The following COL4A1 variants were observed in gnomAD, a reference collection of about 807,000 sequenced individuals.
COL4A1 encodes the protein collagen type IV alpha 1 chain, also known as collagen alpha-1(IV) chain.
Under a neutral mutation model 216.6 loss-of-function variants are expected in COL4A1, and 40 were observed. That is an observed-to-expected ratio of 0.18 (90% CI 0.14 to 0.24). COL4A1 has a LOEUF of 0.24. Among genes scored for constraint, COL4A1 ranks in the 10% least tolerant of loss-of-function variants. The pLI is 1.00. For synonymous variants in COL4A1, 839 were observed against 810.7 expected, an observed-to-expected ratio of 1.03 and a Z score of -0.59; for missense variants, 1,628 against 2,196.8, an observed-to-expected ratio of 0.74 and a Z score of 5.18.
chr13:110,219,688 A>ATGTATATATATGTATATATACG, intron 2 of COL4A1, among the ~76,000 whole-genome samples: 1 of 114,050 alleles, frequency 8.8e-6, no homozygotes, highest in South Asian at 2.7e-4. Flanking sequence ...GTGTATATAT[A>ATGTATATATATGTATATATACG]TGTATATATA....
At position 110,162,350 on chromosome 13, in the gene COL4A1, C is replaced by G. The variant is rs1360467450; in HGVS notation, c.4342G>C (p.Val1448Leu). 1 of 1,614,100 alleles carries G rather than the reference C, an allele frequency of 6.2e-7. No individual in the cohort carries two copies. The highest frequency in any genetic ancestry group is 8.5e-7 in the Non-Finnish European group (1 of 1,180,048). Reference sequence around the variant, plus strand: ...TCTATTGTTTGACTATGCCTGGTCACAAGGAAGCCGTGATCAACAGATGGG... The same window carrying G: ...TCTATTGTTTGACTATGCCTGGTCAGAAGGAAGCCGTGATCAACAGATGGG... ...GTPSVDHGFL[V>L]TRHSQTIDDP... The change falls in exon 48 of 52, where the codon GTG (valine) becomes CTG (leucine). Residue 1448 changes from valine to leucine, a missense_variant. Coordinates refer to ENST00000375820, the MANE Select transcript of COL4A1 (RefSeq NM_001845.6).
intron 2 of COL4A1, among the ~76,000 whole-genome samples, chr13:110,217,586 G>A (rs151248477): frequency 3.3e-5 from 5 of 152,308 alleles, no homozygotes; most frequent in East Asian, 3.9e-4. Flanking sequence ...AGAAAGAAAC[G>A]AGAAACTTGA....
chr13:110,294,139 G>C (rs1208818276), intron 1 of COL4A1, among the ~76,000 whole-genome samples: 2 of 152,154 alleles, frequency 1.3e-5, no homozygotes, highest in Non-Finnish European at 2.9e-5. Flanking sequence ...CATTGTGACA[G>C]TCTGTCCCTG....
At chr13:110,300,359 G>A (rs1566455455) in intron 1 of COL4A1, among the ~76,000 whole-genome samples, 1 of 152,238 alleles carries the variant, frequency 6.6e-6, no homozygotes, top group South Asian at 2.1e-4. Context: ...CTCTAGGGAT[G>A]AGTGTGGCTG....
intron 1 of COL4A1, chr13:110,299,000 C>T (rs1884388396): frequency 6.5e-6 from 1 of 152,676 alleles, no homozygotes; most frequent in South Asian, 2.1e-4. Context: ...TCCTGACACG[C>T]CACATGCATG....
At chr13:110,206,968 A>AC in intron 13 of COL4A1, 77 bp from the exon 14 acceptor site, 3 of 1,419,186 alleles carry the variant, frequency 2.1e-6, no homozygotes, top group Non-Finnish European at 1.9e-6. Flanking sequence ...AACACACAGC[A>AC]GAAAAAAAAA....
intron 2 of COL4A1, among the ~76,000 whole-genome samples, chr13:110,236,890 C>G (rs148329338): frequency 2.1e-3 from 320 of 152,300 alleles, no homozygotes; most frequent in African/African-American, 7.4e-3. Flanking sequence ...GCACCCCTAA[C>G]CTGTCTCAGG....
At chr13:110,299,705 C>T (rs879490834) in intron 1 of COL4A1, among the ~76,000 whole-genome samples, 2 of 152,308 alleles carry the variant, frequency 1.3e-5, no homozygotes, top group South Asian at 2.1e-4. Flanking sequence ...TCCAAAAAGT[C>T]GTGTGCACGT....
chr13:110,239,646 C>G lies in COL4A1; in HGVS notation c.144+3029G>C, dbSNP rs151228033. On this transcript the variant is annotated intron_variant, in intron 2 of 51. Transcript: ENST00000375820. The stretch of plus-strand genomic sequence containing the variant: ...GATTTGTATTCCATTATTCCAACCC[C>G]TTTAGTCATTTTGTTTTTACACTAG... 3.1e-3 allele frequency among the ~76,000 whole-genome samples: 465 copies of G among 152,284 alleles called. 5 individuals carry two copies. Among genetic ancestry groups the G allele is most frequent in the East Asian group, 0.025 (127 of 5,182 alleles).
intron 49 of COL4A1, among the ~76,000 whole-genome samples, chr13:110,157,857 G>C (rs1426555709): frequency 1.3e-5 from 2 of 152,174 alleles, no homozygotes; most frequent in African/African-American, 4.8e-5. Context: ...GCATCACACA[G>C]AAATGCTGGT....
chr13:110,261,400 T>C (rs1022516515), intron 1 of COL4A1, among the ~76,000 whole-genome samples: 42 of 152,372 alleles, frequency 2.8e-4, no homozygotes, highest in African/African-American at 9.6e-4. Context: ...GGGAGCCTGC[T>C]AACTCACTGG....
intron 41 of COL4A1, 90 bp downstream of exon 41, chr13:110,172,630 G>A (rs1877697816): frequency 7.7e-7 from 1 of 1,299,790 alleles, no homozygotes; most frequent in Admixed American, 1.7e-5. Flanking sequence ...CAACAGGCAT[G>A]GGGCTTCATC....
Position 110,162,537 on chromosome 13 carries a change from A to G in COL4A1, c.4250-95T>C, listed in dbSNP as rs999026793. On this transcript the variant is annotated intron_variant, in intron 47 of 51. Coordinates refer to ENST00000375820, the MANE Select transcript of COL4A1 (RefSeq NM_001845.6). ...TTCTCCAAAGAGTTTTTAATATTTT[A>G]TATTTCCACAAAGTATCCTACCTAT... is the stretch of plus-strand genomic sequence containing the variant. The G allele has an allele frequency of 5.1e-6, 5 of 974,566 alleles. No individual in the cohort carries two copies. The African/African-American group carries it at 8.1e-5, about 16-fold the overall frequency. 60.4% of individuals were successfully genotyped at this position (974,566 alleles called of 1,614,324 possible).
intron 26 of COL4A1, among the ~76,000 whole-genome samples, chr13:110,186,138 G>A (rs1056097016): frequency 6.6e-6 from 1 of 152,188 alleles, no homozygotes; most frequent in African/African-American, 2.4e-5. Flanking sequence ...TGCGTGCTGT[G>A]TACTTACTTA....
chr13:110,247,919 A>C (rs1417834856), intron 1 of COL4A1, among the ~76,000 whole-genome samples: 1 of 151,744 alleles, frequency 6.6e-6, no homozygotes, highest in African/African-American at 2.4e-5. Context: ...TGATGAAGGC[A>C]TATTTGGAAT....
At chr13:110,245,741 C>A (rs1881774413) in intron 1 of COL4A1, among the ~76,000 whole-genome samples, 1 of 152,174 alleles carries the variant, frequency 6.6e-6, no homozygotes, top group Admixed American at 6.5e-5. Flanking sequence ...TAAGAGGCTG[C>A]AAGGCTGTGA....
At position 110,207,523 on chromosome 13, in the gene COL4A1, T is replaced by TG; in HGVS notation, c.694-35dup. 6.4e-7 allele frequency: 1 copy of TG among 1,556,382 alleles called. No homozygotes were observed. The highest frequency in any genetic ancestry group is 8.9e-7 in the Non-Finnish European group (1 of 1,127,480). On this transcript the variant is annotated intron_variant, in intron 12 of 51. Coordinates refer to ENST00000375820, the MANE Select transcript of COL4A1 (RefSeq NM_001845.6). This position sits in a 1 kb window ranked among gnomAD's most constrained non-coding sequence, Gnocchi z 4.4. ...ATAAAAATGTAAAATTAATTAGGCATGAAAACAATTATGCAGACATGAAAA... is the reference window on the plus strand; with the variant it reads ...ATAAAAATGTAAAATTAATTAGGCATGGAAAACAATTATGCAGACATGAAAA...
At chr13:110,205,680 T>C in intron 15 of COL4A1, 142 bp from the exon 16 acceptor site, 1 of 882,052 alleles carries the variant, frequency 1.1e-6, no homozygotes, top group Admixed American at 1.9e-5. Flanking sequence ...CTGGCCAACA[T>C]GGCGAAATCC....
At chr13:110,194,172 G>A (rs890342940) in intron 22 of COL4A1, among the ~76,000 whole-genome samples, 2 of 152,220 alleles carry the variant, frequency 1.3e-5, no homozygotes, top group African/African-American at 2.4e-5. Context: ...CCCCTGTGAT[G>A]ACGCCCAAGA....
Sources: allele counts gnomAD v4.1 joint callset (sites outside exome capture counted in the v4.1 genomes callset), GRCh38; gene constraint gnomAD v4.1.1; non-coding constraint Gnocchi (gnomAD v3.1); transcripts MANE v1.5; gene names NCBI Gene and HGNC (gene_info 2026-07-23, HGNC 2026-07-21).